The following GPHN variants were observed in gnomAD, a reference collection of about 807,000 sequenced individuals.
GPHN encodes the protein gephyrin.
In GPHN, 17 loss-of-function variants were observed where a neutral mutation model predicts 95.5. The ratio of observed to expected loss-of-function variants is 0.18; its 90% CI spans 0.12 to 0.27. GPHN has a LOEUF of 0.27. Ranked by LOEUF, GPHN falls within the 10% of genes least tolerant of loss-of-function variation. The pLI is 1.00. For missense variants in GPHN, 660 were observed against 978.1 expected (o/e 0.67, Z 4.34); for synonymous variants, 320 against 322.5 (o/e 0.99, Z 0.08).
chr14:66,568,642 A>G (rs1391750644), intron 1 of GPHN, among the ~76,000 whole-genome samples: 62 of 152,134 alleles, frequency 4.1e-4, no homozygotes, highest in Non-Finnish European at 2.9e-5. Flanking sequence ...CTTTAAATAC[A>G]TTCTCTTTCT....
At chr14:66,769,147 T>C (rs1210216266) in intron 2 of GPHN, among the ~76,000 whole-genome samples, 5 of 152,036 alleles carry the variant, frequency 3.3e-5, no homozygotes, top group Non-Finnish European at 7.4e-5. Context: ...CAGTGAAGCA[T>C]ATAGATAATG....
chr14:66,546,449 A>C (rs977694259), intron 1 of GPHN, among the ~76,000 whole-genome samples: 2 of 152,092 alleles, frequency 1.3e-5, no homozygotes, highest in African/African-American at 4.8e-5. Context: ...TAGTGAGCCG[A>C]GATCACGCCA....
the GPHN span, among the ~76,000 whole-genome samples, chr14:67,656,812 T>C: frequency 2.0e-5 from 3 of 152,132 alleles, no homozygotes; most frequent in Non-Finnish European, 4.4e-5. Flanking sequence ...TCCACTGCCT[T>C]TTACACTTAC....
chr14:67,012,383 T>C (rs946358668), intron 9 of GPHN, among the ~76,000 whole-genome samples: 2 of 152,208 alleles, frequency 1.3e-5, no homozygotes, highest in African/African-American at 4.8e-5. Context: ...TTGACTTTTA[T>C]GAAATAGCAG....
chr14:67,003,946 C>CT (rs371403591), intron 9 of GPHN, among the ~76,000 whole-genome samples: 52,385 of 151,364 alleles, frequency 0.35, 12,926 homozygotes, highest in African/African-American at 0.68. Context: ...GGGTCTGTGT[C>CT]GATTTAATCA....
At chr14:67,730,875 A>C in the GPHN span, among the ~76,000 whole-genome samples, 606 of 152,274 alleles carry the variant, frequency 4.0e-3, 19 homozygotes, top group Admixed American at 0.036. Context: ...AAGTGCTGGG[A>C]TTACAGGCGT....
chr14:66,512,947 CCTA>C (rs1357819468), intron 1 of GPHN, among the ~76,000 whole-genome samples: 3 of 151,396 alleles, frequency 2.0e-5, no homozygotes, highest in African/African-American at 4.8e-5. Flanking sequence ...ACTATTAAAT[CCTA>C]CTAAGTGGAA....
intron 1 of GPHN, among the ~76,000 whole-genome samples, chr14:66,519,743 C>T (rs2058397998): frequency 6.6e-6 from 1 of 152,212 alleles, no homozygotes; most frequent in East Asian, 1.9e-4. Flanking sequence ...ATATTTTGGA[C>T]ATCTTTTCAT....
intron 16 of GPHN, among the ~76,000 whole-genome samples, chr14:67,115,473 C>G (rs935578882): frequency 7.2e-5 from 11 of 152,168 alleles, no homozygotes; most frequent in Non-Finnish European, 1.5e-5. Context: ...TTGCTCACAC[C>G]TGTAATCCCA....
chr14:66,804,477 T>C (rs1451146661), intron 3 of GPHN, among the ~76,000 whole-genome samples: 1 of 152,228 alleles, frequency 6.6e-6, no homozygotes, highest in Non-Finnish European at 1.5e-5. Flanking sequence ...TTTGCATGCT[T>C]CTGTATACCA....
the GPHN span, among the ~76,000 whole-genome samples, chr14:67,356,814 C>T: frequency 2.2e-4 from 33 of 152,304 alleles, no homozygotes; most frequent in South Asian, 6.8e-3. Flanking sequence ...GTTTAGTTTC[C>T]AGCCTGAGAA....
intron 8 of GPHN, among the ~76,000 whole-genome samples, chr14:66,960,998 T>C (rs2068863312): frequency 6.6e-6 from 1 of 152,092 alleles, no homozygotes; most frequent in African/African-American, 2.4e-5. Flanking sequence ...ACCCAATGAA[T>C]AGCTGCCTCA....
At chr14:66,686,591 C>T (rs1366184576) in intron 2 of GPHN, among the ~76,000 whole-genome samples, 1 of 152,160 alleles carries the variant, frequency 6.6e-6, no homozygotes, top group East Asian at 1.9e-4. Context: ...GATTTTTGCA[C>T]ATTGATTTTA....
the GPHN span, among the ~76,000 whole-genome samples, chr14:67,486,192 G>A: frequency 6.6e-6 from 1 of 152,236 alleles, no homozygotes; most frequent in Admixed American, 6.5e-5. Context: ...GAGGAACTGG[G>A]TGGGAGGTAA....
intron 14 of GPHN, 89 bp from the exon 15 acceptor site, chr14:67,111,772 G>A (rs2078388725): frequency 1.1e-6 from 1 of 920,530 alleles, no homozygotes; most frequent in Non-Finnish European, 1.8e-6. Context: ...TATATATCCT[G>A]GGCCTATCTG....
chr14:67,297,784 T>C, the GPHN span, among the ~76,000 whole-genome samples: 1 of 152,210 alleles, frequency 6.6e-6, no homozygotes, highest in Non-Finnish European at 1.5e-5. Context: ...TTGAATTCAT[T>C]AAATATTTCA....
At chr14:66,661,158 A>G (rs147125831) in intron 1 of GPHN, among the ~76,000 whole-genome samples, 1,843 of 152,330 alleles carry the variant, frequency 0.012, 20 homozygotes, top group Non-Finnish European at 0.018. Flanking sequence ...GCTAAGAAGC[A>G]TTGATCTGTG....
At chr14:67,347,519 G>A in the GPHN span, 1 of 906,158 alleles carries the variant, frequency 1.1e-6, no homozygotes, top group Admixed American at 3.1e-5. Context: ...TTTTTTTTCT[G>A]AGACGGAGTT....
At chr14:67,353,160 T>C in the GPHN span, 7 of 721,770 alleles carry the variant, frequency 9.7e-6, no homozygotes, top group Admixed American at 1.6e-4. Flanking sequence ...TGAGACTATA[T>C]AGAGAATTTG....
Sources: gnomAD v4.1 joint callset for allele counts (sites outside exome capture counted in the v4.1 genomes callset) on GRCh38, gnomAD v4.1.1 for gene constraint, MANE v1.5 for transcripts, NCBI Gene and HGNC (gene_info 2026-07-23, HGNC 2026-07-21) for gene names.